Variants in LRPAP1 observed in about 807,000 individuals in gnomAD.
LRPAP1 encodes the protein alpha-2-macroglobulin receptor-associated protein.
In LRPAP1, 41 loss-of-function variants were observed where a neutral mutation model predicts 39.9. That is an observed-to-expected ratio of 1.03 (90% CI 0.80 to 1.33). The LOEUF (loss-of-function observed/expected upper bound fraction) is 1.33. Ranked by LOEUF, LRPAP1 falls within the 40% of genes most tolerant of loss-of-function variation. The pLI, the probability that LRPAP1 is intolerant of heterozygous loss-of-function variation, is 0.00. For synonymous variants in LRPAP1, 263 were observed against 212.7 expected, an observed-to-expected ratio of 1.24 and a Z score of -2.06; for missense variants, 565 against 482.3, an observed-to-expected ratio of 1.17 and a Z score of -1.61.
rs1729780038 is a variant in LRPAP1 at position 3,518,132 on chromosome 4, T to C, written c.653A>G (p.His218Arg). 1.2e-6 allele frequency: 2 copies of C among 1,613,546 alleles called. No homozygotes were observed. Among genetic ancestry groups the C allele is most frequent in the African/African-American group, 2.7e-5 (2 of 74,932 alleles). Residue 218 changes from histidine to arginine, a missense_variant, in exon 5 of 8, where the codon CAC (histidine) becomes CGC (arginine). By Grantham distance (29) the His-to-Arg change is conservative. Coordinates refer to ENST00000650182, the MANE Select transcript of LRPAP1 (RefSeq NM_002337.4). Reference sequence around the variant, plus strand: ...CTCCTTCAGCTCCGTGTGCCTGCTGTGCAGGACGCTGCCCTTGATGTCGCT... The same window carrying C: ...CTCCTTCAGCTCCGTGTGCCTGCTGCGCAGGACGCTGCCCTTGATGTCGCT... ...DLSDIKGSVL[H>R]SRHTELKEKL... is the part of the protein sequence containing the mutation.
chr4:3,530,403 G>A (rs1730213351), intron 1 of LRPAP1, among the ~76,000 whole-genome samples: 3 of 152,238 alleles, frequency 2.0e-5, no homozygotes, highest in South Asian at 4.1e-4. Context: ...CTCTGGAATG[G>A]GGGAAGACAC....
intron 6 of LRPAP1, among the ~76,000 whole-genome samples, chr4:3,515,405 G>A (rs150414867): frequency 5.3e-4 from 81 of 152,276 alleles, no homozygotes; most frequent in African/African-American, 1.9e-3. Context: ...ACGTGCCTGC[G>A]GCCAGCTAAG....
chr4:3,526,393 C>G (rs1741545), intron 1 of LRPAP1, among the ~76,000 whole-genome samples: 103,809 of 152,140 alleles, frequency 0.68, 36,144 homozygotes, highest in East Asian at 0.93. Context: ...TTCCCTTAGA[C>G]GTTTGAAATA....
In LRPAP1 at chr4:3,523,315, C is replaced by T. The variant is rs541902950; in HGVS notation, c.349+1592G>A. Among the ~76,000 whole-genome samples the T allele has an allele frequency of 6.6e-5, 10 of 152,334 alleles. No individual in the cohort carries two copies. In the East Asian group the frequency reaches 1.9e-3, roughly 29 times the overall value. ...TGGCCCTTGGGAATGGCCCACTAGA[C>T]ACGCTGGTGGGGACGCAACCATCCA... is the stretch of plus-strand genomic sequence containing the variant. On this transcript the variant is annotated intron_variant, in intron 2 of 7. Transcript: ENST00000650182.
At chr4:3,530,425 CA>C (rs1730214571) in intron 1 of LRPAP1, among the ~76,000 whole-genome samples, 1 of 152,186 alleles carries the variant, frequency 6.6e-6, no homozygotes, top group Non-Finnish European at 1.5e-5. Context: ...CAAAATCCCC[CA>C]AAACACCCTC....
intron 2 of LRPAP1, among the ~76,000 whole-genome samples, chr4:3,523,022 G>A (rs1336980952): frequency 1.3e-5 from 2 of 152,170 alleles, no homozygotes; most frequent in African/African-American, 4.8e-5. Flanking sequence ...CTGAGTGTGG[G>A]CAGGGTCTGC....
chr4:3,518,745 T>C (rs1243211630), intron 4 of LRPAP1, 126 bp downstream of exon 4: 3 of 639,350 alleles, frequency 4.7e-6, no homozygotes, highest in Non-Finnish European at 5.2e-6. Context: ...GCCGCCTCCC[T>C]GCCCCTGCTG....
chr4:3,524,812 A>G (rs1730028270), intron 2 of LRPAP1, 95 bp downstream of exon 2: 1 of 1,437,628 alleles, frequency 7.0e-7, no homozygotes, highest in East Asian at 2.3e-5. Flanking sequence ...AATATTCCCA[A>G]ATCCAAAAAC....
chr4:3,516,794 G>C (rs1729719512), intron 5 of LRPAP1, among the ~76,000 whole-genome samples: 1 of 152,218 alleles, frequency 6.6e-6, no homozygotes, highest in Non-Finnish European at 1.5e-5. Flanking sequence ...GTAGTCCAGA[G>C]CCGCCTGCCC....
chr4:3,519,151 G>A (rs995807070), intron 3 of LRPAP1, among the ~76,000 whole-genome samples, 160 bp from the exon 4 acceptor site: 2 of 152,204 alleles, frequency 1.3e-5, no homozygotes, highest in South Asian at 2.1e-4. Context: ...AAAACAAACC[G>A]GAGAAGAGCT....
chr4:3,530,089 C>T (rs776066847), intron 1 of LRPAP1, among the ~76,000 whole-genome samples: 2 of 152,146 alleles, frequency 1.3e-5, no homozygotes, highest in South Asian at 2.1e-4. Context: ...GGTAAGAAGC[C>T]GACTGGAGTG....
At chr4:3,520,964 G>A (rs1379559910) in intron 2 of LRPAP1, among the ~76,000 whole-genome samples, 2 of 152,366 alleles carry the variant, frequency 1.3e-5, no homozygotes, top group African/African-American at 4.8e-5. Context: ...CGCGGGCCCT[G>A]GTGCCAACAG....
chr4:3,519,202 C>T (rs1332961324), intron 3 of LRPAP1, among the ~76,000 whole-genome samples: 2 of 152,180 alleles, frequency 1.3e-5, no homozygotes, highest in Non-Finnish European at 2.9e-5. Context: ...TGTCCAGGCT[C>T]AACAGGGGAC....
Position 3,517,835 on chromosome 4 carries a change from G to C in LRPAP1, c.751+199C>G, listed in dbSNP as rs1403244553. The C allele has an allele frequency of 9.0e-6, 5 of 553,572 alleles. No homozygotes were observed. The East Asian group carries it at 1.7e-4, about 19-fold the overall frequency. The allele number at this position is 553,572 out of a possible 1,614,324, so 34.3% of individuals were successfully genotyped here. ...TGCTAGTCTCCAGGTACAAGGCTGG[G>C]GACGGCGAGTGACCTTCACGGAGCA... On this transcript the variant is annotated intron_variant, in intron 5 of 7. Transcript: ENST00000650182.
rs376402681 is a variant in LRPAP1 at position 3,522,805 on chromosome 4, CCAGAG to C, written c.349+2097_349+2101del. The stretch of plus-strand genomic sequence containing the variant: ...GTGGGGGTGAGGACAGGAGCGAACC[CCAGAG>C]CAGAGCAGGGCAGGGCAGAGTGGAG... On this transcript the variant is annotated intron_variant, in intron 2 of 7. Coordinates refer to ENST00000650182, the MANE Select transcript of LRPAP1 (RefSeq NM_002337.4). 3.0e-3 allele frequency among the ~76,000 whole-genome samples: 454 copies of C among 152,258 alleles called. 3 individuals carry two copies. Among genetic ancestry groups the C allele is most frequent in the African/African-American group, 9.4e-3 (391 of 41,544 alleles).
chr4:3,513,046 G>T lies in LRPAP1; in HGVS notation c.1012-10C>A. 1 of 1,610,594 alleles carries T rather than the reference G, an allele frequency of 6.2e-7. No individual in the cohort carries two copies. Among genetic ancestry groups the T allele is most frequent in the Non-Finnish European group, 8.5e-7 (1 of 1,178,196 alleles). Reference sequence around the variant, plus strand: ...GCAGATGCTTCTTCACCTGTGGACAGAAACGTCTCATCAGCTGGGGACAGC... The same window carrying T: ...GCAGATGCTTCTTCACCTGTGGACATAAACGTCTCATCAGCTGGGGACAGC... On this transcript the variant is annotated splice_polypyrimidine_tract_variant and intron_variant, in intron 7 of 7. Transcript: ENST00000650182.
Position 3,522,356 on chromosome 4 carries a change from C to T in LRPAP1, c.350-2163G>A, listed in dbSNP as rs1480333057. Among the ~76,000 whole-genome samples, 5 of 152,238 alleles carry T rather than the reference C, an allele frequency of 3.3e-5. No individual in the cohort carries two copies. The South Asian group carries it at 6.2e-4, about 19-fold the overall frequency. On this transcript the variant is annotated intron_variant, in intron 2 of 7. Coordinates refer to ENST00000650182, the MANE Select transcript of LRPAP1 (RefSeq NM_002337.4). ...TCAAAAGGCAGAGTACCCACGGCTG[C>T]GATCAGCAGCAGGGACTATGGAAGG... is the stretch of plus-strand genomic sequence containing the variant.
At chr4:3,519,760 G>A (rs1441781785) in intron 3 of LRPAP1, among the ~76,000 whole-genome samples, 4 of 152,174 alleles carry the variant, frequency 2.6e-5, no homozygotes, top group Non-Finnish European at 4.4e-5. Flanking sequence ...AATCCGACAC[G>A]GAGTAAAGAA....
rs780315061 is a variant in LRPAP1 at position 3,518,214 on chromosome 4, G to A, written c.593-22C>T. ...ATTTCTGTAAAACCGAAGGCAGGAC[G>A]CCATGAGGCTGGGAGTCCTCGCACT... On this transcript the variant is annotated intron_variant, in intron 4 of 7. Coordinates refer to ENST00000650182, the MANE Select transcript of LRPAP1 (RefSeq NM_002337.4). The A allele has an allele frequency of 4.4e-6, 7 of 1,601,200 alleles. No homozygotes were observed. In the Admixed American group the frequency reaches 8.4e-5, roughly 19 times the overall value.
Sources: allele counts gnomAD v4.1 joint callset (sites outside exome capture counted in the v4.1 genomes callset), GRCh38; gene constraint gnomAD v4.1.1; transcripts MANE v1.5; gene names NCBI Gene and HGNC (gene_info 2026-07-23, HGNC 2026-07-21).